Variants in PTK7 observed in about 807,000 individuals in gnomAD.
The protein encoded by PTK7 is protein tyrosine kinase 7 (inactive), also known as inactive tyrosine-protein kinase 7.
A neutral mutation model predicts 116.6 loss-of-function variants in PTK7; 39 were observed. The observed-to-expected ratio is 0.33, with a 90% CI of 0.26 to 0.44. PTK7 has a LOEUF of 0.44. PTK7 is among the 20% of genes least tolerant of loss of function. The probability of loss-of-function intolerance (pLI) is 1.00; values close to 1 mark genes in which losing one functional copy is unlikely to be tolerated. For missense variants in PTK7, 1,169 were observed against 1,425.6 expected, an observed-to-expected ratio of 0.82 and a Z score of 2.90; for synonymous variants, 546 against 563.6, an observed-to-expected ratio of 0.97 and a Z score of 0.44.
chr6:43,154,302 C>T (rs1029958194), intron 17 of PTK7, among the ~76,000 whole-genome samples: 1 of 151,926 alleles, frequency 6.6e-6, no homozygotes, highest in Non-Finnish European at 1.5e-5. Flanking sequence ...CACCACTGCA[C>T]TCCAGCCTGG....
At chr6:43,135,347 A>C (rs1435942471) in intron 7 of PTK7, among the ~76,000 whole-genome samples, 1 of 152,192 alleles carries the variant, frequency 6.6e-6, no homozygotes, top group Non-Finnish European at 1.5e-5. Context: ...TCTTCCCAGT[A>C]CTGGATGCAA....
At chr6:43,156,031 C>G (rs1412002396) in intron 17 of PTK7, among the ~76,000 whole-genome samples, 1 of 151,762 alleles carries the variant, frequency 6.6e-6, no homozygotes, top group East Asian at 1.9e-4. Flanking sequence ...GAATTCAAGA[C>G]CAGCCTGACC....
chr6:43,136,106 A>G (rs1188499850), intron 7 of PTK7, among the ~76,000 whole-genome samples: 1 of 152,102 alleles, frequency 6.6e-6, no homozygotes, highest in Non-Finnish European at 1.5e-5. Context: ...CAGTGAGCCG[A>G]GATTGCGCCA....
At chr6:43,155,211 T>G (rs780229508) in intron 17 of PTK7, among the ~76,000 whole-genome samples, 1 of 152,126 alleles carries the variant, frequency 6.6e-6, no homozygotes, top group African/African-American at 2.4e-5. Context: ...TTTAAAGAGA[T>G]AGGATCTCAC....
intron 1 of PTK7, among the ~76,000 whole-genome samples, chr6:43,128,196 A>T (rs1769415248): frequency 6.6e-6 from 1 of 152,142 alleles, no homozygotes; most frequent in Admixed American, 6.5e-5. Context: ...AAACCTCCTG[A>T]GTCTGTATTG....
rs1029145118 is a variant in PTK7, at chr6:43,141,865, C to A, written c.1768+48C>A. 3.1e-6 allele frequency: 5 copies of A among 1,600,088 alleles called. No homozygotes were observed. Among genetic ancestry groups the A allele is most frequent in the Non-Finnish European group, 4.3e-6 (5 of 1,171,228 alleles). ...GGGCTGGGAGGGCCCTCTGGGGTAGCACCGTGTACCCTGCCAGCCCCTTGG... is the reference window on the plus strand; with the variant it reads ...GGGCTGGGAGGGCCCTCTGGGGTAGAACCGTGTACCCTGCCAGCCCCTTGG... On this transcript the variant is annotated intron_variant, in intron 11 of 19. Coordinates refer to ENST00000230419, the MANE Select transcript of PTK7 (RefSeq NM_002821.5). The surrounding 1 kb of genome is among the most constrained non-coding windows in gnomAD (Gnocchi z 4.9).
chr6:43,078,722 T>C (rs1482185703), intron 1 of PTK7, among the ~76,000 whole-genome samples: 5 of 152,220 alleles, frequency 3.3e-5, no homozygotes, highest in Non-Finnish European at 7.3e-5. Flanking sequence ...TTCCAAACTT[T>C]GAGATGCTGT....
rs1282317482 is a variant in PTK7, at chr6:43,139,659, A to G, written c.1618+134A>G. On this transcript the variant is annotated intron_variant, in intron 10 of 19. Transcript: ENST00000230419. This position sits in a 1 kb window ranked among gnomAD's most constrained non-coding sequence, Gnocchi z 4.6. The stretch of plus-strand genomic sequence containing the variant: ...GACAAGCAGTGCAGGGCTGATGTAT[A>G]GTTTAGTTAGGAAGGAAAAAGCCAG... The G allele has an allele frequency of 1.9e-5, 26 of 1,382,670 alleles. No homozygotes were observed. Among genetic ancestry groups the G allele is most frequent in the Non-Finnish European group, 2.4e-5 (25 of 1,030,914 alleles). The allele number at this position is 1,382,670 out of a possible 1,614,324, so 85.7% of individuals were successfully genotyped here.
At chr6:43,157,244 G>A (rs748535063) in intron 17 of PTK7, among the ~76,000 whole-genome samples, 9 of 137,392 alleles carry the variant, frequency 6.6e-5, no homozygotes, top group Non-Finnish European at 9.2e-5. Context: ...CTCCAGTTCC[G>A]TTCCTTGGAG....
Position 43,160,703 on chromosome 6 carries a change from C to G in PTK7, c.3053-18C>G, listed in dbSNP as rs771955872. 6.2e-7 allele frequency: 1 copy of G among 1,613,436 alleles called. No homozygotes were observed. The highest frequency in any genetic ancestry group is 8.5e-7 in the Non-Finnish European group (1 of 1,179,544). On this transcript the variant is annotated intron_variant, in intron 19 of 19. Transcript: ENST00000230419. ...TTGAATGTTTTGGCCAACACTGCACCTGCTGTCTTCCCTACAGATTTGCAG... is the reference window on the plus strand; with the variant it reads ...TTGAATGTTTTGGCCAACACTGCACGTGCTGTCTTCCCTACAGATTTGCAG...
intron 1 of PTK7, among the ~76,000 whole-genome samples, chr6:43,125,615 T>G (rs1394396191): frequency 6.6e-6 from 1 of 152,216 alleles, no homozygotes; most frequent in Non-Finnish European, 1.5e-5. Flanking sequence ...TCCTGGCACT[T>G]GGCAAGTGGA....
chr6:43,111,897 G>C (rs1400390283), intron 1 of PTK7, among the ~76,000 whole-genome samples: 1 of 150,638 alleles, frequency 6.6e-6, no homozygotes, highest in Non-Finnish European at 1.5e-5. Flanking sequence ...GCCCAGGCTG[G>C]TCTTGAACCC....
chr6:43,087,976 G>C (rs976253701), intron 1 of PTK7, among the ~76,000 whole-genome samples: 2 of 152,176 alleles, frequency 1.3e-5, no homozygotes, highest in Admixed American at 1.3e-4. Flanking sequence ...ACAAAAGTAC[G>C]ATCTGCCTAG....
At chr6:43,149,447 A>T (rs1422612319) in intron 17 of PTK7, among the ~76,000 whole-genome samples, 2 of 152,210 alleles carry the variant, frequency 1.3e-5, no homozygotes, top group African/African-American at 4.8e-5. Flanking sequence ...AGGTCTAAAG[A>T]TGTGAATTTT....
At chr6:43,123,109 A>T (rs141398844) in intron 1 of PTK7, among the ~76,000 whole-genome samples, 1 of 151,962 alleles carries the variant, frequency 6.6e-6, no homozygotes, top group Non-Finnish European at 1.5e-5. Flanking sequence ...GGGTCTTTCT[A>T]TCTCAGCCTG....
rs1181075897 is a variant in PTK7, at chr6:43,157,343, TATATATATATATATA to T, written c.2722-1473_2722-1459del. On this transcript the variant is annotated intron_variant, in intron 17 of 19. Coordinates refer to ENST00000230419, the MANE Select transcript of PTK7 (RefSeq NM_002821.5). Reference sequence around the variant, plus strand: ...CACACACGCTATATATATATATATATATATATATATATATATATATATTTTTTTTTTTCTTTTTTT... The same window carrying T: ...CACACACGCTATATATATATATATATTATATATTTTTTTTTTTCTTTTTTT... Among the ~76,000 whole-genome samples the T allele has an allele frequency of 6.0e-3, 249 of 41,554 alleles. 22 individuals are homozygous for T. Among genetic ancestry groups the T allele is most frequent in the Non-Finnish European group, 7.7e-3 (190 of 24,802 alleles). 27.3% of individuals were successfully genotyped at this position (41,554 alleles called of 152,430 possible).
chr6:43,118,647 CTCTCTCTCTCTCTATATATA>C (rs1345520032), intron 1 of PTK7, among the ~76,000 whole-genome samples: 63 of 87,738 alleles, frequency 7.2e-4, no homozygotes, highest in African/African-American at 2.3e-3. Flanking sequence ...CTCTCTCTCT[CTCTCTCTCTCTCTATATATA>C]TATATATATA....
In PTK7 at chr6:43,117,442, A is replaced by G. The variant is rs546943533; in HGVS notation, c.80-11535A>G. Among the ~76,000 whole-genome samples the G allele has an allele frequency of 3.3e-5, 5 of 152,342 alleles. No homozygotes were observed. In the East Asian group the frequency reaches 9.6e-4, roughly 29 times the overall value. ...GATTGGTTGTGGAGGGAATGTGGGT[A>G]ACAGGGAATTAATGAGTGAAATGAG... On this transcript the variant is annotated intron_variant, in intron 1 of 19. Transcript: ENST00000230419.
chr6:43,116,586 AG>A (rs1330212325), intron 1 of PTK7, among the ~76,000 whole-genome samples: 1 of 148,152 alleles, frequency 6.7e-6, no homozygotes, highest in East Asian at 2.0e-4. Context: ...AGGAGGAAGA[AG>A]GCCAGGAAAA....
Sources: allele counts gnomAD v4.1 joint callset (sites outside exome capture counted in the v4.1 genomes callset), GRCh38; gene constraint gnomAD v4.1.1; non-coding constraint Gnocchi (gnomAD v3.1); transcripts MANE v1.5; gene names NCBI Gene and HGNC (gene_info 2026-07-23, HGNC 2026-07-21).